PRDM16: variants seen among roughly 807,000 people sequenced by gnomAD.
PRDM16 encodes PR/SET domain 16.
In PRDM16, 23 loss-of-function variants were observed where a neutral mutation model predicts 110.6. The ratio of observed to expected loss-of-function variants is 0.21; its 90% CI spans 0.15 to 0.29. The LOEUF is 0.29. Among genes scored for constraint, PRDM16 ranks in the 10% least tolerant of loss-of-function variants. The probability of loss-of-function intolerance (pLI) is 1.00; values close to 1 mark genes in which losing one functional copy is unlikely to be tolerated. For synonymous variants in PRDM16, 799 were observed against 781.8 expected (o/e 1.02, Z -0.37); for missense variants, 1,615 against 1,794.3 (o/e 0.90, Z 1.81).
chr1:3,408,600 G>C (rs1377083194), intron 8 of PRDM16, among the ~76,000 whole-genome samples: 1 of 151,502 alleles, frequency 6.6e-6, no homozygotes, highest in East Asian at 2.0e-4. Flanking sequence ...GGGTGTGTGA[G>C]CTGGTGTGTG....
rs1207123408 is a variant in PRDM16 at position 3,438,002 on chromosome 1, AT to A, written c.*4193del. 9.2e-6 allele frequency: 2 copies of A among 217,886 alleles called. No homozygotes were observed. The highest frequency in any genetic ancestry group is 1.2e-4 in the Admixed American group (2 of 17,216). 13.5% of individuals were successfully genotyped at this position (217,886 alleles called of 1,614,324 possible). A position where few individuals can be genotyped will look rare whatever the true frequency, so the allele number is the denominator to read the frequency against. Reference sequence around the variant, plus strand: ...CCTGTGCCGCCCGCCACCTTCTGCCATTGTTACATTACAGATTTGGTTTAGT... The same window carrying A: ...CCTGTGCCGCCCGCCACCTTCTGCCATGTTACATTACAGATTTGGTTTAGT... On this transcript the variant is annotated 3_prime_UTR_variant, in exon 17 of 17. Transcript: ENST00000270722.
At chr1:3,374,285 C>A (rs1642956051) in intron 3 of PRDM16, among the ~76,000 whole-genome samples, 1 of 152,244 alleles carries the variant, frequency 6.6e-6, no homozygotes. Flanking sequence ...AGCCAGGCAA[C>A]GGCACCCAGG....
chr1:3,411,637 C>A lies in PRDM16; in HGVS notation c.1440C>A (p.His480Gln), dbSNP rs777323102. The A allele has an allele frequency of 6.2e-7, 1 of 1,613,970 alleles. No homozygotes were observed. The highest frequency in any genetic ancestry group is 1.1e-5 in the South Asian group (1 of 91,062). ...CAAAACCCTCCCCCAGCCTCAATCA[C>A]GCCAGCCTGGGCTTCAACGAGTACT... is the stretch of plus-strand genomic sequence containing the variant. ...DKAKPSPSLN[H>Q]ASLGFNEYFP... Residue 480 changes from histidine (H) to glutamine (Q), a missense_variant, in exon 9 of 17, where the codon CAC (histidine) becomes CAA (glutamine). Around this residue, in one of 5 missense-constraint regions of PRDM16, gnomAD observed 772 missense variants for 748.3 expected, o/e 1.03. Transcript: ENST00000270722.
intron 3 of PRDM16, among the ~76,000 whole-genome samples, chr1:3,343,643 GT>G (rs796377398): frequency 1.2e-3 from 174 of 151,004 alleles, no homozygotes; most frequent in African/African-American, 4.0e-3. Flanking sequence ...GTTTTGTTTT[GT>G]TTTTTTTGAG....
At chr1:3,088,374 C>A (rs1642197164) in intron 1 of PRDM16, among the ~76,000 whole-genome samples, 1 of 152,214 alleles carries the variant, frequency 6.6e-6, no homozygotes, top group South Asian at 2.1e-4. Context: ...TCACTGAGAA[C>A]AATCCAGAAA....
intron 1 of PRDM16, among the ~76,000 whole-genome samples, chr1:3,128,340 T>A (rs1406130551): frequency 6.6e-6 from 1 of 152,216 alleles, no homozygotes; most frequent in Non-Finnish European, 1.5e-5. Context: ...CAACTTTGAT[T>A]TCCTATTTTA....
chr1:3,218,492 G>GA, intron 2 of PRDM16, among the ~76,000 whole-genome samples: 1 of 152,230 alleles, frequency 6.6e-6, no homozygotes, highest in African/African-American at 2.4e-5. Flanking sequence ...GCACACATAC[G>GA]CACACGTGCA....
At chr1:3,274,014 A>G (rs572488351) in intron 3 of PRDM16, among the ~76,000 whole-genome samples, 2 of 151,382 alleles carry the variant, frequency 1.3e-5, no homozygotes, top group South Asian at 4.2e-4. Context: ...CTGAAAGGGA[A>G]CCAGCCGCAT....
chr1:3,196,586 G>A (rs1170698147), intron 2 of PRDM16, among the ~76,000 whole-genome samples: 2 of 152,152 alleles, frequency 1.3e-5, no homozygotes, highest in Non-Finnish European at 2.9e-5. Flanking sequence ...CACCAGAGAG[G>A]GGTTCAGCCA....
rs187400273 is a variant in PRDM16, at chr1:3,426,071, C to T, written c.3130C>T (p.Leu1044Phe). 1,146 of 1,613,628 alleles carry T rather than the reference C, an allele frequency of 7.1e-4. 4 individuals are homozygous for T. In the African/African-American group the frequency reaches 0.013, roughly 18 times the overall value. Residue 1044 changes from leucine to phenylalanine, a missense_variant, in exon 14 of 17, where the codon CTC becomes TTC. By Grantham distance (22) the Leu-to-Phe change is conservative. Coordinates refer to ENST00000270722, the MANE Select transcript of PRDM16 (RefSeq NM_022114.4). ...NAPVSQHPGV[L>F]TNHLGTSASS... Reference sequence around the variant, plus strand: ...CGCAGTGAGCCAGCACCCCGGGGTCCTCACGAACCACCTGGGGACCAGCGC... The same window carrying T: ...CGCAGTGAGCCAGCACCCCGGGGTCTTCACGAACCACCTGGGGACCAGCGC...
At position 3,390,834 on chromosome 1, in the gene PRDM16, GTT is replaced by G. The variant is rs34675402; in HGVS notation, c.573+5566_573+5567del. Among the ~76,000 whole-genome samples the G allele has an allele frequency of 6.0e-4, 76 of 125,666 alleles. No individual in the cohort carries two copies. Among genetic ancestry groups the G allele is most frequent in the South Asian group, 3.7e-3 (13 of 3,558 alleles). 82.4% of individuals were successfully genotyped at this position (125,666 alleles called of 152,430 possible). ...CCTTTGCTTTTATCTCTCACAGTGTGTTTTTTTTTTTTTTTTTTTAGACAGAG... is the reference window on the plus strand; with the variant it reads ...CCTTTGCTTTTATCTCTCACAGTGTGTTTTTTTTTTTTTTTTTAGACAGAG... On this transcript the variant is annotated intron_variant, in intron 4 of 16. Coordinates refer to ENST00000270722, the MANE Select transcript of PRDM16 (RefSeq NM_022114.4). The surrounding 1 kb of genome is among the most constrained non-coding windows in gnomAD (Gnocchi z 5.0).
chr1:3,195,149 C>T (rs867256798), intron 2 of PRDM16, among the ~76,000 whole-genome samples: 1 of 152,282 alleles, frequency 6.6e-6, no homozygotes, highest in Middle Eastern at 3.4e-3. Flanking sequence ...TGGTGCGGAG[C>T]CTGAGGCCAC....
chr1:3,104,326 G>A (rs962199645), intron 1 of PRDM16, among the ~76,000 whole-genome samples: 3 of 152,182 alleles, frequency 2.0e-5, no homozygotes, highest in Non-Finnish European at 4.4e-5. Flanking sequence ...AGAAGGAGCT[G>A]GGAGGGGTGG....
In PRDM16 at chr1:3,405,524, G is replaced by T; in HGVS notation, c.1062G>T (p.Arg354=). 6.3e-7 allele frequency: 1 copy of T among 1,599,348 alleles called. No individual in the cohort carries two copies. Among genetic ancestry groups the T allele is most frequent in the Non-Finnish European group, 8.5e-7 (1 of 1,173,096 alleles). ...TCACGGACCCCAGCAACCTTCAGCG[G>T]CACATCCGCTCGCAGCACGTGGGCG... ...KVFTDPSNLQ[R]HIRSQHVGAR... The change falls in exon 8 of 17, where the codon CGG becomes CGT. Residue 354 remains arginine (R), a synonymous_variant. Coordinates refer to ENST00000270722, the MANE Select transcript of PRDM16 (RefSeq NM_022114.4).
intron 2 of PRDM16, among the ~76,000 whole-genome samples, chr1:3,218,173 C>T (rs1410478889): frequency 2.0e-5 from 3 of 152,252 alleles, no homozygotes; most frequent in African/African-American, 7.2e-5. Flanking sequence ...GAGGAGGTGC[C>T]TGGCTCTCGG....
At chr1:3,363,559 TC>T (rs1642753670) in intron 3 of PRDM16, among the ~76,000 whole-genome samples, 1 of 152,104 alleles carries the variant, frequency 6.6e-6, no homozygotes, top group Non-Finnish European at 1.5e-5. Context: ...CTGAGTGCCA[TC>T]CATGGGTGTC....
chr1:3,179,430 G>A (rs994289656), intron 1 of PRDM16, among the ~76,000 whole-genome samples: 7 of 152,210 alleles, frequency 4.6e-5, no homozygotes, highest in African/African-American at 1.7e-4. Context: ...CTGTACAGTG[G>A]GCAGCTCCCC....
intron 1 of PRDM16, among the ~76,000 whole-genome samples, chr1:3,134,601 G>A (rs1643399703): frequency 6.6e-6 from 1 of 152,220 alleles, no homozygotes; most frequent in Admixed American, 6.5e-5. Context: ...AGGGGAAATA[G>A]GAAAAAGAAC....
At chr1:3,394,648 C>G (rs2493253) in intron 4 of PRDM16, among the ~76,000 whole-genome samples, 119,057 of 152,146 alleles carry the variant, frequency 0.78, 47,105 homozygotes, top group African/African-American at 0.9. Context: ...ACCTGCCCCA[C>G]GGGCATCAGC....
Sources: allele counts gnomAD v4.1 joint callset (sites outside exome capture counted in the v4.1 genomes callset), GRCh38; gene constraint gnomAD v4.1.1; regional missense constraint gnomAD v4.1.1; non-coding constraint Gnocchi (gnomAD v3.1); transcripts MANE v1.5; gene names NCBI Gene and HGNC (gene_info 2026-07-23, HGNC 2026-07-21).